Variants in DCDC2C observed in about 807,000 individuals in gnomAD.
The protein encoded by DCDC2C is doublecortin domain-containing protein 2C.
Under a neutral mutation model 45.0 loss-of-function variants are expected in DCDC2C, and 44 were observed. The observed-to-expected ratio is 0.98, with a 90% confidence interval of 0.77 to 1.26. DCDC2C has a LOEUF of 1.26. Ranked by LOEUF, DCDC2C falls within the 50% of genes most tolerant of loss-of-function variation. The pLI is 0.00. For synonymous variants in DCDC2C, 187 were observed against 178.8 expected, an observed-to-expected ratio of 1.05 and a Z score of -0.37; for missense variants, 447 against 468.9, an observed-to-expected ratio of 0.95 and a Z score of 0.43.
At chr2:3,782,238 C>G (rs1670530862) in intron 9 of DCDC2C, among the ~76,000 whole-genome samples, 1 of 152,130 alleles carries the variant, frequency 6.6e-6, no homozygotes, top group Non-Finnish European at 1.5e-5. Flanking sequence ...CCTCCTCACG[C>G]CACAGCTCAG....
At position 3,703,966 on chromosome 2, in the gene DCDC2C, T is replaced by C; in HGVS notation, c.215T>C (p.Val72Ala). 3 of 1,310,696 alleles carry C rather than the reference T, an allele frequency of 2.3e-6. No individual in the cohort carries two copies. Among genetic ancestry groups the C allele is most frequent in the Non-Finnish European group, 2.9e-6 (3 of 1,029,774 alleles). 81.2% of individuals were successfully genotyped at this position (1,310,696 alleles called of 1,614,324 possible). ...RLFTPTRGHR[V>A]LGLDALQAGG... ...TTCACGCCCACGCGTGGGCACCGGGTGCTGGGGCTGGACGCGCTGCAGGCG... is the reference window on the plus strand; with the variant it reads ...TTCACGCCCACGCGTGGGCACCGGGCGCTGGGGCTGGACGCGCTGCAGGCG... Residue 72 changes from valine (V) to alanine (A), a missense_variant, in exon 1 of 11, where the codon GTG (valine) becomes GCG (alanine). Transcript: ENST00000399143. This position sits in a 1 kb window ranked among gnomAD's most constrained non-coding sequence, Gnocchi z 4.4.
At chr2:3,798,339 G>T (rs1216430384) in intron 10 of DCDC2C, among the ~76,000 whole-genome samples, 1 of 151,368 alleles carries the variant, frequency 6.6e-6, no homozygotes, top group East Asian at 1.9e-4. Context: ...GCCAGTCTGT[G>T]TCTTTTAATT....
chr2:3,765,247 G>C (rs887498029), intron 6 of DCDC2C, among the ~76,000 whole-genome samples: 1 of 152,190 alleles, frequency 6.6e-6, no homozygotes, highest in Admixed American at 6.5e-5. Flanking sequence ...TAAATCAGCA[G>C]AGATTTACTG....
intron 9 of DCDC2C, among the ~76,000 whole-genome samples, chr2:3,782,296 GCAATCA>G (rs1373475204): frequency 2.0e-5 from 3 of 152,138 alleles, no homozygotes; most frequent in Non-Finnish European, 4.4e-5. Context: ...AGAAGTGGGA[GCAATCA>G]AAATCAAAAG....
At chr2:3,800,903 A>G (rs1181017711) in intron 10 of DCDC2C, among the ~76,000 whole-genome samples, 1 of 152,204 alleles carries the variant, frequency 6.6e-6, no homozygotes, top group Non-Finnish European at 1.5e-5. Flanking sequence ...TGTAGCGTCA[A>G]TGCAAATGCC....
At chr2:3,754,994 G>A (rs1179922554) in intron 6 of DCDC2C, among the ~76,000 whole-genome samples, 1 of 152,316 alleles carries the variant, frequency 6.6e-6, no homozygotes, top group Non-Finnish European at 1.5e-5. Context: ...GCGGGGGGTG[G>A]GAGGAGGACA....
chr2:3,759,409 C>T (rs1409398223), intron 6 of DCDC2C, among the ~76,000 whole-genome samples: 1 of 152,176 alleles, frequency 6.6e-6, no homozygotes, highest in Non-Finnish European at 1.5e-5. Flanking sequence ...ATGGCACTTC[C>T]TTTCTTTCTT....
intron 10 of DCDC2C, among the ~76,000 whole-genome samples, chr2:3,789,350 A>G (rs995347829): frequency 7.2e-5 from 11 of 152,168 alleles, no homozygotes; most frequent in African/African-American, 2.7e-4. Context: ...TCTTGAAGAA[A>G]TGCCTTACAG....
chr2:3,833,750 A>G (rs898598359), intron 10 of DCDC2C, among the ~76,000 whole-genome samples: 1 of 152,256 alleles, frequency 6.6e-6, no homozygotes, highest in East Asian at 1.9e-4. Flanking sequence ...GACTAATGAA[A>G]ATAAATGAAA....
intron 10 of DCDC2C, among the ~76,000 whole-genome samples, chr2:3,817,741 T>G (rs1671589346): frequency 6.6e-6 from 1 of 151,796 alleles, no homozygotes; most frequent in Admixed American, 6.6e-5. Context: ...TGAAAAAGGG[T>G]TGGGATGAGT....
intron 10 of DCDC2C, among the ~76,000 whole-genome samples, chr2:3,810,291 T>G (rs1288051846): frequency 1.3e-5 from 2 of 152,248 alleles, no homozygotes; most frequent in Non-Finnish European, 2.9e-5. Flanking sequence ...CCATTTGGAC[T>G]GGTGTGAGAG....
At chr2:3,793,429 T>C (rs1670875854) in intron 10 of DCDC2C, among the ~76,000 whole-genome samples, 1 of 152,208 alleles carries the variant, frequency 6.6e-6, no homozygotes, top group Admixed American at 6.5e-5. Flanking sequence ...GTGTGTCACA[T>C]ACTCTGTGCA....
At chr2:3,721,442 T>G (rs1238938636) in intron 2 of DCDC2C, among the ~76,000 whole-genome samples, 1 of 152,182 alleles carries the variant, frequency 6.6e-6, no homozygotes, top group Non-Finnish European at 1.5e-5. Flanking sequence ...GATGCTAGAT[T>G]CTCGCAGGCT....
chr2:3,822,316 T>C (rs889938948), intron 10 of DCDC2C, among the ~76,000 whole-genome samples: 1 of 152,214 alleles, frequency 6.6e-6, no homozygotes, highest in Admixed American at 6.5e-5. Flanking sequence ...GTTTTATTTA[T>C]ACTTTATGTT....
intron 10 of DCDC2C, among the ~76,000 whole-genome samples, chr2:3,811,960 C>T (rs1312912667): frequency 6.6e-6 from 1 of 152,108 alleles, no homozygotes; most frequent in African/African-American, 2.4e-5. Context: ...AGCTTTTTAA[C>T]GTGCTGCTGG....
At chr2:3,772,194 C>T (rs986026073) in intron 8 of DCDC2C, among the ~76,000 whole-genome samples, 1 of 152,178 alleles carries the variant, frequency 6.6e-6, no homozygotes, top group African/African-American at 2.4e-5. Context: ...TCCTCCAAAT[C>T]CCAGGCCATT....
chr2:3,787,345 G>A (rs755198016), intron 10 of DCDC2C, among the ~76,000 whole-genome samples: 3 of 152,160 alleles, frequency 2.0e-5, no homozygotes, highest in Non-Finnish European at 4.4e-5. Context: ...GTAAAAATGA[G>A]ATAATTTCCA....
intron 4 of DCDC2C, among the ~76,000 whole-genome samples, chr2:3,748,597 T>C (rs1216306870): frequency 1.3e-5 from 2 of 151,978 alleles, no homozygotes. Flanking sequence ...GCTGGATATG[T>C]GAGTGTGAAG....
chr2:3,789,335 G>A (rs544384195), intron 10 of DCDC2C, among the ~76,000 whole-genome samples: 3 of 152,268 alleles, frequency 2.0e-5, no homozygotes, highest in Non-Finnish European at 4.4e-5. Flanking sequence ...TGGCTCCTGT[G>A]CTTCTCTTGA....
Sources: allele counts gnomAD v4.1 joint callset (sites outside exome capture counted in the v4.1 genomes callset), GRCh38; gene constraint gnomAD v4.1.1; non-coding constraint Gnocchi (gnomAD v3.1); transcripts MANE v1.5; gene names NCBI Gene and HGNC (gene_info 2026-07-23, HGNC 2026-07-21).